MIA2: variants seen among roughly 807,000 people sequenced by gnomAD.
The protein encoded by MIA2 is melanoma inhibitory activity protein 2.
MIA2 carries 127 observed loss-of-function variants against 167.8 expected under a neutral mutation model. The ratio of observed to expected loss-of-function variants is 0.76; its 90% CI spans 0.66 to 0.88. MIA2 has a LOEUF of 0.88. MIA2 is among the 40% of genes least tolerant of loss of function. The pLI is 0.00. For missense variants in MIA2, 1,690 were observed against 1,624.7 expected (o/e 1.04, Z -0.69); for synonymous variants, 552 against 541.9 (o/e 1.02, Z -0.26).
chr14:39,293,069 G>A (rs1382509234), intron 10 of MIA2, among the ~76,000 whole-genome samples: 1 of 152,148 alleles, frequency 6.6e-6, no homozygotes, highest in African/African-American at 2.4e-5. Context: ...CATGGCCTAC[G>A]AGCCTAAAAT....
intron 9 of MIA2, among the ~76,000 whole-genome samples, chr14:39,286,439 G>C (rs1305794875): frequency 6.6e-6 from 1 of 151,870 alleles, no homozygotes; most frequent in Non-Finnish European, 1.5e-5. Context: ...ACTGTGGAGA[G>C]GGGAGAGGGG....
At chr14:39,266,222 C>CTTCT (rs2055606666) in intron 6 of MIA2, 6 of 985,354 alleles carry the variant, frequency 6.1e-6, no homozygotes, top group Non-Finnish European at 6.0e-6. Flanking sequence ...AGTGAGAAGG[C>CTTCT]AGAATATAAT....
intron 9 of MIA2, among the ~76,000 whole-genome samples, chr14:39,283,340 T>C (rs1489994163): frequency 2.6e-5 from 4 of 152,246 alleles, no homozygotes; most frequent in African/African-American, 7.2e-5. Context: ...TGTACCCATC[T>C]ACATCCCTGC....
intron 7 of MIA2, among the ~76,000 whole-genome samples, chr14:39,277,770 A>T (rs868515587): frequency 0.019 from 738 of 38,838 alleles, 196 homozygotes; most frequent in African/African-American, 0.062. Context: ...ATATATATAT[A>T]TATATATATA....
intron 6 of MIA2, chr14:39,267,272 G>A (rs2055957468): frequency 6.9e-7 from 1 of 1,440,028 alleles, no homozygotes; most frequent in African/African-American, 1.4e-5. Context: ...GGGATGGGCA[G>A]CGTAGGCCTG....
intron 7 of MIA2, among the ~76,000 whole-genome samples, chr14:39,277,741 TATGTGTGTATATATATATATATA>T (rs1480467208): frequency 1.1e-3 from 5 of 4,700 alleles, no homozygotes; most frequent in South Asian, 5.7e-3. Context: ...TATATATATA[TATGTGTGTATATATATATATATA>T]TATATATATA....
At chr14:39,379,470 C>T (rs930919682) in intron 23 of MIA2, among the ~76,000 whole-genome samples, 2 of 152,178 alleles carry the variant, frequency 1.3e-5, no homozygotes, top group Non-Finnish European at 2.9e-5. Flanking sequence ...TTTCCTAAGG[C>T]AAACTCCCCT....
intron 23 of MIA2, among the ~76,000 whole-genome samples, chr14:39,369,766 T>C (rs2074897463): frequency 6.6e-6 from 1 of 152,238 alleles, no homozygotes; most frequent in African/African-American, 2.4e-5. Context: ...CTATTGTTAA[T>C]TGTTACCACC....
rs2054352828 is a variant in MIA2 at position 39,247,153 on chromosome 14, A to G, written c.579A>G (p.Ser193=). ...APEDIGSTSE[S]KDWEEVVVES... is the part of the protein sequence containing the mutation. ...AAGATATCGGAAGTACCAGTGAATCAAAAGACTGGGAAGAAGTAGTTGTTG... is the reference window on the plus strand; with the variant it reads ...AAGATATCGGAAGTACCAGTGAATCGAAAGACTGGGAAGAAGTAGTTGTTG... Residue 193 remains serine, a synonymous_variant, in exon 4 of 29, where the codon TCA becomes TCG. Transcript: ENST00000640607. 6.2e-7 allele frequency: 1 copy of G among 1,614,038 alleles called. No homozygotes were observed. Among genetic ancestry groups the G allele is most frequent in the Non-Finnish European group, 8.5e-7 (1 of 1,180,036 alleles).
At chr14:39,277,674 ATATATATATATAT>A (rs2058221546) in intron 7 of MIA2, among the ~76,000 whole-genome samples, 1 of 11,038 alleles carries the variant, frequency 9.1e-5, no homozygotes, top group Non-Finnish European at 1.6e-4. Context: ...AAGATCTTTT[ATATATATATATAT>A]GTGTGTATAT....
chr14:39,268,421 CTAGCA>C (rs1264336417), intron 6 of MIA2, among the ~76,000 whole-genome samples: 4 of 151,416 alleles, frequency 2.6e-5, no homozygotes, highest in Non-Finnish European at 4.4e-5. Context: ...GTTTTGGCCA[CTAGCA>C]TCATGTTGTC....
chr14:39,248,241 T>C, intron 4 of MIA2, 100 bp downstream of exon 4: 1 of 905,634 alleles, frequency 1.1e-6, no homozygotes, highest in Non-Finnish European at 1.5e-6. Context: ...ATCCACGTTT[T>C]TCAGAATACT....
At chr14:39,256,561 G>A (rs2054824679) in intron 6 of MIA2, among the ~76,000 whole-genome samples, 1 of 151,478 alleles carries the variant, frequency 6.6e-6, no homozygotes, top group Non-Finnish European at 1.5e-5. Context: ...CAAAAGCAAT[G>A]GAAAATTAAA....
In MIA2 at chr14:39,350,393, A is replaced by G. The variant is rs1306497046; in HGVS notation, c.*129A>G. On this transcript the variant is annotated 3_prime_UTR_variant, in exon 29 of 29. Coordinates refer to ENST00000640607, the MANE Select transcript of MIA2 (RefSeq NM_001329214.4). ...ATGGAATTATAATTCTCAGGATAGT[A>G]TTTTGTAAATAAAGATGATTTAAAT... 3 of 476,024 alleles carry G rather than the reference A, an allele frequency of 6.3e-6. No homozygotes were observed. Among genetic ancestry groups the G allele is most frequent in the African/African-American group, 2.0e-5 (1 of 49,150 alleles). 29.5% of individuals were successfully genotyped at this position (476,024 alleles called of 1,614,324 possible).
intron 2 of MIA2, among the ~76,000 whole-genome samples, chr14:39,238,373 A>G (rs1158824449): frequency 2.0e-5 from 3 of 151,384 alleles, no homozygotes; most frequent in East Asian, 4.0e-4. Flanking sequence ...GGGTTTCACC[A>G]TGTTGGCCAG....
chr14:39,282,149 T>C (rs1012025319), intron 9 of MIA2, among the ~76,000 whole-genome samples: 3 of 152,294 alleles, frequency 2.0e-5, no homozygotes, highest in Non-Finnish European at 4.4e-5. Flanking sequence ...AAAGATAATT[T>C]TGAAGCTGTG....
intron 23 of MIA2, among the ~76,000 whole-genome samples, chr14:39,367,836 T>C (rs8006182): frequency 0.28 from 42,281 of 149,176 alleles, 7,037 homozygotes; most frequent in Non-Finnish European, 0.38. Flanking sequence ...GGTTTTTTTT[T>C]CCAAATATTG....
chr14:39,240,719 G>A (rs1039564195), intron 3 of MIA2, 72 bp downstream of exon 3: 9 of 1,020,198 alleles, frequency 8.8e-6, no homozygotes, highest in Non-Finnish European at 1.1e-5. Context: ...CCAGGTATCA[G>A]TGCCTATTGG....
chr14:39,234,106 T>C lies in MIA2; in HGVS notation c.-9T>C, dbSNP rs769038857. 6 of 1,583,036 alleles carry C rather than the reference T, an allele frequency of 3.8e-6. No individual in the cohort carries two copies. The South Asian group carries it at 6.8e-5, about 18-fold the overall frequency. ...ACTTCACTTGGGATTCCCGGTTGCT[T>C]GTTTTAGCATGGCAAAATTTGGCGT... is the stretch of plus-strand genomic sequence containing the variant. On this transcript the variant is annotated 5_prime_UTR_variant, in exon 1 of 29. Coordinates refer to ENST00000640607, the MANE Select transcript of MIA2 (RefSeq NM_001329214.4).
Sources: allele counts gnomAD v4.1 joint callset (sites outside exome capture counted in the v4.1 genomes callset), GRCh38; gene constraint gnomAD v4.1.1; transcripts MANE v1.5; gene names NCBI Gene and HGNC (gene_info 2026-07-23, HGNC 2026-07-21).